Variants in COPRS observed in about 807,000 individuals in gnomAD.
COPRS encodes the protein coordinator of PRMT5 and differentiation stimulator, also known as cooperator of PRMT5.
Under a neutral mutation model 19.9 loss-of-function variants are expected in COPRS, and 11 were observed. That is an observed-to-expected ratio of 0.55 (90% CI 0.35 to 0.92). The LOEUF is 0.92. Among genes scored for constraint, COPRS ranks in the 40% least tolerant of loss-of-function variants. The probability of loss-of-function intolerance (pLI) is 0.01; values close to 1 mark genes in which losing one functional copy is unlikely to be tolerated. For synonymous variants in COPRS, 81 were observed against 82.7 expected, an observed-to-expected ratio of 0.98 and a Z score of 0.11; for missense variants, 225 against 229.9, an observed-to-expected ratio of 0.98 and a Z score of 0.14.
chr17:31,858,721 G>A, intron 1 of COPRS: 1 of 1,538,094 alleles, frequency 6.5e-7, no homozygotes, highest in African/African-American at 1.4e-5. Context: ...AGGTCCACAG[G>A]TCTGTAAAGT....
Position 31,856,808 on chromosome 17 carries a change from C to T in COPRS, c.157G>A (p.Asp53Asn), listed in dbSNP as rs750926076. Residue 53 changes from aspartate (D) to asparagine (N), a missense_variant, in exon 2 of 4, where the codon GAT (aspartate) becomes AAT (asparagine). Asp to Asn is a conservative substitution (Grantham distance 23). Around this residue, in one of 3 missense-constraint regions of COPRS, gnomAD observed 170 missense variants for 171.4 expected, o/e 0.99. Coordinates refer to ENST00000302362, the MANE Select transcript of COPRS (RefSeq NM_018405.4). ...TCTGCCATCTACTTGCCTAGTCGAT[C>T]CATAGCCTTCTCAGTCTCTCTCTCC... ...SQERETEKAM[D>N]RLARGTQSIP... 1.2e-6 allele frequency: 2 copies of T among 1,604,358 alleles called. No homozygotes were observed. Among genetic ancestry groups the T allele is most frequent in the East Asian group, 2.2e-5 (1 of 44,844 alleles).
chr17:31,858,911 A>AGCCCCGCG (rs1051264107), intron 1 of COPRS, 190 bp downstream of exon 1: 549 of 1,490,956 alleles, frequency 3.7e-4, no homozygotes, highest in Non-Finnish European at 4.6e-4. Flanking sequence ...CCCGCCCCGC[A>AGCCCCGCG]GCCCCGCGGC....
At chr17:31,855,817 G>GA (rs1374514686) in intron 2 of COPRS, among the ~76,000 whole-genome samples, 1 of 147,934 alleles carries the variant, frequency 6.8e-6, no homozygotes, top group Non-Finnish European at 1.5e-5. Flanking sequence ...CTAACATGGT[G>GA]AAACCCCATC....
intron 1 of COPRS, 114 bp downstream of exon 1, chr17:31,858,987 C>T: frequency 7.6e-7 from 1 of 1,318,950 alleles, no homozygotes; most frequent in South Asian, 1.9e-5. Flanking sequence ...CGGGGCGGCC[C>T]GAGGCCGGCC....
chr17:31,854,851 C>T (rs1909283884), intron 2 of COPRS, among the ~76,000 whole-genome samples: 1 of 152,048 alleles, frequency 6.6e-6, no homozygotes, highest in South Asian at 2.1e-4. Context: ...ACTTGGTGAG[C>T]ACAGGGTTTC....
intron 1 of COPRS, chr17:31,858,655 A>G: frequency 3.3e-6 from 4 of 1,218,410 alleles, no homozygotes; most frequent in Non-Finnish European, 2.4e-6. Flanking sequence ...GAGAAGGGGG[A>G]GCGCGCATGT....
chr17:31,853,417 G>A (rs1371056894), intron 2 of COPRS, among the ~76,000 whole-genome samples: 7 of 146,626 alleles, frequency 4.8e-5, no homozygotes, highest in African/African-American at 1.5e-4. Flanking sequence ...GTCTCGCTCT[G>A]TCGCCCAGGC....
In COPRS at chr17:31,859,094, C is replaced by T; in HGVS notation, c.99+7G>A. The T allele has an allele frequency of 1.8e-6, 2 of 1,116,584 alleles. No individual in the cohort carries two copies. The highest frequency in any genetic ancestry group is 2.2e-6 in the Non-Finnish European group (2 of 916,860). The allele number at this position is 1,116,584 out of a possible 1,614,324, so 69.2% of individuals were successfully genotyped here. ...GCTGTTGCTCCTGGCCCCCACGCGGCGCTCACCTCCGGGCTGGGGGGCGCC... is the reference window on the plus strand; with the variant it reads ...GCTGTTGCTCCTGGCCCCCACGCGGTGCTCACCTCCGGGCTGGGGGGCGCC... On this transcript the variant is annotated splice_region_variant and intron_variant, in intron 1 of 3. Coordinates refer to ENST00000302362, the MANE Select transcript of COPRS (RefSeq NM_018405.4).
At chr17:31,858,772 G>C (rs1379805844) in intron 1 of COPRS, 3 of 1,550,504 alleles carry the variant, frequency 1.9e-6, no homozygotes, top group Non-Finnish European at 2.6e-6. Context: ...CCCTCGCCCA[G>C]GCTCCTGGCA....
chr17:31,859,103 C>G lies in COPRS; in HGVS notation c.97G>C (p.Glu33Gln). The change falls in exon 1 of 4, where the codon GAG becomes CAG. Residue 33 changes from glutamate to glutamine, a missense_variant and splice_region_variant. Glu to Gln is a conservative substitution (Grantham distance 29, BLOSUM62 2). Coordinates refer to ENST00000302362, the MANE Select transcript of COPRS (RefSeq NM_018405.4). ...CCTGGCCCCCACGCGGCGCTCACCT[C>G]CGGGCTGGGGGGCGCCCCCCGCGCG... is the stretch of plus-strand genomic sequence containing the variant. ...PSARGAPPSP[E>Q]AGFATADHSS... The G allele has an allele frequency of 1.8e-6, 2 of 1,104,398 alleles. No homozygotes were observed. Among genetic ancestry groups the G allele is most frequent in the Non-Finnish European group, 1.1e-6 (1 of 909,624 alleles). The allele number at this position is 1,104,398 out of a possible 1,614,324, so 68.4% of individuals were successfully genotyped here.
Position 31,852,239 on chromosome 17 carries a change from T to C in COPRS, c.455A>G (p.Asp152Gly), listed in dbSNP as rs1300558321. The C allele has an allele frequency of 1.9e-6, 3 of 1,613,774 alleles. No homozygotes were observed. The highest frequency in any genetic ancestry group is 2.5e-6 in the Non-Finnish European group (3 of 1,179,892). The change falls in exon 4 of 4, where the codon GAC becomes GGC. Residue 152 changes from aspartate to glycine, a missense_variant. This residue lies in a region of COPRS where 170 missense variants were observed against 171.4 expected (regional missense o/e 0.99). Coordinates refer to ENST00000302362, the MANE Select transcript of COPRS (RefSeq NM_018405.4). ...GTGCCAGCTGGGGTCATAGATCATG[T>C]CTCCTTGTGGGGCACAGCACACCCA... is the stretch of plus-strand genomic sequence containing the variant. ...KPWVCCAPQGDMIYDPSWHHP... is the reference protein window; with the variant it reads ...KPWVCCAPQGGMIYDPSWHHP...
At chr17:31,852,702 C>T in intron 3 of COPRS, 110 bp downstream of exon 3, 2 of 810,042 alleles carry the variant, frequency 2.5e-6, no homozygotes, top group Non-Finnish European at 4.3e-6. Flanking sequence ...GTAACAGATA[C>T]CAGCCTAAGC....
intron 2 of COPRS, among the ~76,000 whole-genome samples, chr17:31,856,083 C>T (rs1909341688): frequency 6.6e-6 from 1 of 151,754 alleles, no homozygotes; most frequent in Non-Finnish European, 1.5e-5. Context: ...CACAGTAATC[C>T]CAGCACTTTG....
chr17:31,858,064 C>T (rs1360416146), intron 1 of COPRS, among the ~76,000 whole-genome samples: 3 of 152,184 alleles, frequency 2.0e-5, no homozygotes, highest in African/African-American at 7.2e-5. Context: ...CCCAGCCTTA[C>T]AGAATTAATC....
chr17:31,854,081 G>A lies in COPRS; in HGVS notation c.167-1051C>T, dbSNP rs546980305. Among the ~76,000 whole-genome samples the A allele has an allele frequency of 7.2e-5, 11 of 152,086 alleles. No individual in the cohort carries two copies. The East Asian group carries it at 7.7e-4, about 11-fold the overall frequency. ...CGTGTTTTGTCAATTACCAAACATC[G>A]GACTGGGCCGGGCACGGTAGCTCAC... is the stretch of plus-strand genomic sequence containing the variant. On this transcript the variant is annotated intron_variant, in intron 2 of 3. Coordinates refer to ENST00000302362, the MANE Select transcript of COPRS (RefSeq NM_018405.4).
intron 3 of COPRS, among the ~76,000 whole-genome samples, 185 bp from the exon 4 acceptor site, chr17:31,852,493 C>G (rs1033176995): frequency 6.6e-6 from 1 of 152,166 alleles, no homozygotes; most frequent in Admixed American, 6.5e-5. Context: ...AGAAGCTATG[C>G]TTCTCAGACA....
chr17:31,856,504 G>C (rs1285634107), intron 2 of COPRS: 1 of 404,996 alleles, frequency 2.5e-6, no homozygotes, highest in Non-Finnish European at 4.4e-6. Context: ...CATCCATTGG[G>C]GCGGGGGGGT....
chr17:31,857,694 A>T (rs1567770572), intron 1 of COPRS, among the ~76,000 whole-genome samples: 1 of 152,172 alleles, frequency 6.6e-6, no homozygotes. Context: ...ATCCATTCAG[A>T]GTGTGACCTT....
At position 31,852,201 on chromosome 17, in the gene COPRS, G is replaced by T; in HGVS notation, c.493C>A (p.Leu165Met). The change falls in exon 4 of 4, where the codon CTG (leucine) becomes ATG (methionine). Residue 165 changes from leucine to methionine, a missense_variant. Leu to Met is a conservative substitution (Grantham distance 15). This residue lies in a region of COPRS where 170 missense variants were observed against 171.4 expected (regional missense o/e 0.99). Coordinates refer to ENST00000302362, the MANE Select transcript of COPRS (RefSeq NM_018405.4). ...ACCATCTTGGAATAATAGGGTATCAGTGGAGGCGGATGGTGCCAGCTGGGG... is the reference window on the plus strand; with the variant it reads ...ACCATCTTGGAATAATAGGGTATCATTGGAGGCGGATGGTGCCAGCTGGGG... The part of the protein sequence containing the change: ...YDPSWHHPPP[L>M]IPYYSKMVFE... 1 of 1,614,178 alleles carries T rather than the reference G, an allele frequency of 6.2e-7. No individual in the cohort carries two copies. Among genetic ancestry groups the T allele is most frequent in the Non-Finnish European group, 8.5e-7 (1 of 1,180,032 alleles).
Sources: gnomAD v4.1 joint callset for allele counts (sites outside exome capture counted in the v4.1 genomes callset) on GRCh38, gnomAD v4.1.1 for gene constraint, gnomAD v4.1.1 regional missense constraint, MANE v1.5 for transcripts, NCBI Gene and HGNC (gene_info 2026-07-23, HGNC 2026-07-21) for gene names.